The following ARHGAP15 variants were observed in gnomAD, a reference collection of about 807,000 sequenced individuals.
ARHGAP15 encodes the protein Rho GTPase activating protein 15, also known as rho GTPase-activating protein 15.
A neutral mutation model predicts 63.7 loss-of-function variants in ARHGAP15; 51 were observed. The ratio of observed to expected loss-of-function variants is 0.80; its 90% CI spans 0.64 to 1.01. ARHGAP15 has a LOEUF of 1.01. ARHGAP15 is among the 50% of genes least tolerant of loss of function. The pLI is 0.00. For missense variants in ARHGAP15, 560 were observed against 564.6 expected, an observed-to-expected ratio of 0.99 and a Z score of 0.08; for synonymous variants, 191 against 193.8, an observed-to-expected ratio of 0.99 and a Z score of 0.12.
At chr2:143,641,823 T>C (rs1177096130) in intron 12 of ARHGAP15, among the ~76,000 whole-genome samples, 1 of 152,170 alleles carries the variant, frequency 6.6e-6, no homozygotes, top group Non-Finnish European at 1.5e-5. Context: ...CTTTAAAATG[T>C]GCATGCATTG....
chr2:143,260,272 A>C (rs1680652547), intron 6 of ARHGAP15, among the ~76,000 whole-genome samples: 1 of 152,138 alleles, frequency 6.6e-6, no homozygotes, highest in African/African-American at 2.4e-5. Flanking sequence ...CAGTGTATTA[A>C]CTCATTCTTA....
chr2:143,269,930 T>C (rs959854205), intron 6 of ARHGAP15, among the ~76,000 whole-genome samples: 3 of 152,088 alleles, frequency 2.0e-5, no homozygotes, highest in African/African-American at 7.2e-5. Context: ...TTGTTGAGGG[T>C]TTATAAGAAA....
At chr2:143,726,209 G>A (rs1195164391) in intron 13 of ARHGAP15, among the ~76,000 whole-genome samples, 3 of 152,156 alleles carry the variant, frequency 2.0e-5, no homozygotes, top group African/African-American at 7.2e-5. Context: ...ATACCAGTTG[G>A]AAAAATTAAG....
chr2:143,197,598 A>T (rs1403967819), intron 2 of ARHGAP15, among the ~76,000 whole-genome samples: 1 of 152,014 alleles, frequency 6.6e-6, no homozygotes, highest in African/African-American at 2.4e-5. Context: ...TTGGATCCAG[A>T]ATTTCCTAAG....
At chr2:143,355,322 T>A (rs924850464) in intron 6 of ARHGAP15, among the ~76,000 whole-genome samples, 1 of 152,200 alleles carries the variant, frequency 6.6e-6, no homozygotes, top group Non-Finnish European at 1.5e-5. Context: ...TTAACTTTTT[T>A]CAAGTTCCAT....
intron 6 of ARHGAP15, among the ~76,000 whole-genome samples, chr2:143,304,247 A>T (rs1290140501): frequency 1.3e-5 from 2 of 152,202 alleles, no homozygotes; most frequent in African/African-American, 4.8e-5. Context: ...AATGTGGCAC[A>T]TATACACCAT....
In ARHGAP15 at chr2:143,387,909, GCACACA is replaced by G. The variant is rs34299102; in HGVS notation, c.475-47678_475-47673del. On this transcript the variant is annotated intron_variant, in intron 6 of 13. Coordinates refer to ENST00000295095, the MANE Select transcript of ARHGAP15 (RefSeq NM_018460.4). ...TGCACATACACATACACGCATGCCTGCACACACACACACACACACGCATGCATGCAC... is the reference window on the plus strand; with the variant it reads ...TGCACATACACATACACGCATGCCTGCACACACACACACGCATGCATGCAC... 2.7e-4 allele frequency among the ~76,000 whole-genome samples: 41 copies of G among 149,502 alleles called. 1 individual carries two copies. In the East Asian group the frequency reaches 5.9e-3, roughly 22 times the overall value.
chr2:143,372,744 C>T lies in ARHGAP15; in HGVS notation c.475-62857C>T, dbSNP rs560412107. Reference sequence around the variant, plus strand: ...ATTCCTGAAGCTCATTCACAGGCCTCCCTGGAGTCTTTGATTTCAGTGTTA... The same window carrying T: ...ATTCCTGAAGCTCATTCACAGGCCTTCCTGGAGTCTTTGATTTCAGTGTTA... On this transcript the variant is annotated intron_variant, in intron 6 of 13. Coordinates refer to ENST00000295095, the MANE Select transcript of ARHGAP15 (RefSeq NM_018460.4). Among the ~76,000 whole-genome samples, 3 of 152,188 alleles carry T rather than the reference C, an allele frequency of 2.0e-5. No individual in the cohort carries two copies. The South Asian group carries it at 6.2e-4, about 32-fold the overall frequency.
intron 2 of ARHGAP15, among the ~76,000 whole-genome samples, chr2:143,164,927 A>T (rs909582277): frequency 2.0e-5 from 3 of 152,040 alleles, no homozygotes; most frequent in African/African-American, 7.2e-5. Flanking sequence ...TTTTAGTGAA[A>T]TTTTTGGAAA....
At chr2:143,710,310 C>G (rs1295894852) in intron 13 of ARHGAP15, among the ~76,000 whole-genome samples, 3 of 152,156 alleles carry the variant, frequency 2.0e-5, no homozygotes, top group East Asian at 1.9e-4. Context: ...AATTTCTCAA[C>G]TGGACTCCCA....
intron 6 of ARHGAP15, among the ~76,000 whole-genome samples, chr2:143,389,102 CAG>C (rs1490241975): frequency 2.1e-5 from 3 of 143,254 alleles, no homozygotes; most frequent in Non-Finnish European, 4.6e-5. Context: ...TTCTTTTACT[CAG>C]ACATTATTAT....
chr2:143,408,092 G>T (rs1403997176), intron 6 of ARHGAP15, among the ~76,000 whole-genome samples: 2 of 145,208 alleles, frequency 1.4e-5, no homozygotes, highest in Non-Finnish European at 3.0e-5. Context: ...GTCTGTGCCT[G>T]TGCCTGAGCC....
intron 6 of ARHGAP15, among the ~76,000 whole-genome samples, chr2:143,343,732 A>G (rs1056637320): frequency 1.3e-5 from 2 of 152,102 alleles, no homozygotes; most frequent in Admixed American, 1.3e-4. Context: ...GAGGAAGACA[A>G]GATTGCACCC....
At chr2:143,521,081 A>ATCCCTG (rs1694045256) in intron 10 of ARHGAP15, among the ~76,000 whole-genome samples, 2 of 152,220 alleles carry the variant, frequency 1.3e-5, no homozygotes, top group African/African-American at 4.8e-5. Flanking sequence ...ATCTAGCATT[A>ATCCCTG]TATTTCATTG....
chr2:143,566,016 T>C (rs940392669), intron 11 of ARHGAP15, among the ~76,000 whole-genome samples: 13 of 152,186 alleles, frequency 8.5e-5, no homozygotes, highest in Non-Finnish European at 1.5e-4. Context: ...CTAACAAAAG[T>C]GTGCTGTAGA....
intron 6 of ARHGAP15, among the ~76,000 whole-genome samples, chr2:143,300,841 G>T (rs1682861620): frequency 1.3e-5 from 2 of 151,996 alleles, no homozygotes; most frequent in East Asian, 1.9e-4. Flanking sequence ...GCACTCTTGG[G>T]TGTGTTACAT....
intron 6 of ARHGAP15, among the ~76,000 whole-genome samples, chr2:143,428,169 A>G (rs1391632289): frequency 1.3e-5 from 2 of 152,026 alleles, no homozygotes; most frequent in Non-Finnish European, 2.9e-5. Context: ...TTTACTGAAA[A>G]GGTGACATCT....
At chr2:143,374,937 T>A (rs1686735980) in intron 6 of ARHGAP15, among the ~76,000 whole-genome samples, 1 of 152,194 alleles carries the variant, frequency 6.6e-6, no homozygotes, top group African/African-American at 2.4e-5. Flanking sequence ...AATGATTGAT[T>A]ATAAAAGGGA....
chr2:143,490,169 T>C (rs967432429), intron 9 of ARHGAP15, among the ~76,000 whole-genome samples: 3 of 151,790 alleles, frequency 2.0e-5, no homozygotes, highest in African/African-American at 4.8e-5. Flanking sequence ...CCGGCTAATA[T>C]TTTGTATTTT....
Sources: allele counts gnomAD v4.1 joint callset (sites outside exome capture counted in the v4.1 genomes callset), GRCh38; gene constraint gnomAD v4.1.1; transcripts MANE v1.5; gene names NCBI Gene and HGNC (gene_info 2026-07-23, HGNC 2026-07-21).